BRME1: variants seen among roughly 807,000 people sequenced by gnomAD.
BRME1 encodes the protein break repair meiotic recombinase recruitment factor 1.
A neutral mutation model predicts 52.6 loss-of-function variants in BRME1; 31 were observed. The observed-to-expected ratio is 0.59, with a 90% CI of 0.44 to 0.80. The LOEUF is 0.80. Among genes scored for constraint, BRME1 ranks in the 30% least tolerant of loss-of-function variants. The pLI is 0.00. For missense variants in BRME1, 804 were observed against 860.3 expected (o/e 0.93, Z 0.82); for synonymous variants, 359 against 353.6 (o/e 1.02, Z -0.17).
Position 13,883,244 on chromosome 19 carries a change from G to C in BRME1, c.1856+64C>G. 1 of 1,405,526 alleles carries C rather than the reference G, an allele frequency of 7.1e-7. No individual in the cohort carries two copies. The highest frequency in any genetic ancestry group is 1.4e-5 in the African/African-American group (1 of 70,646). 87.1% of individuals were successfully genotyped at this position (1,405,526 alleles called of 1,614,324 possible). A position where few individuals can be genotyped will look rare whatever the true frequency, so the allele number is the denominator to read the frequency against. On this transcript the variant is annotated intron_variant, in intron 8 of 8. Coordinates refer to ENST00000586783, the MANE Select transcript of BRME1 (RefSeq NM_001345843.2). The surrounding 1 kb of genome is among the most constrained non-coding windows in gnomAD (Gnocchi z 4.2). ...GGGCTTCACACTTCAGTCCCTCCCT[G>C]CTCCTCTGAGTCCCCACTGGCCTCC... is the stretch of plus-strand genomic sequence containing the variant.
chr19:13,889,970 A>T lies in BRME1; in HGVS notation c.886T>A (p.Ser296Thr). Residue 296 changes from serine to threonine, a missense_variant, in exon 6 of 9, where the codon TCT (serine) becomes ACT (threonine). This residue lies in a region of BRME1 where 552 missense variants were observed against 561.1 expected (regional missense o/e 0.98). Transcript: ENST00000586783. Reference sequence around the variant, plus strand: ...ACAGACCCGGGTTCCAGGCACCAAGAGGCAGGGCCCAGTCCTGGAGCAGGG... The same window carrying T: ...ACAGACCCGGGTTCCAGGCACCAAGTGGCAGGGCCCAGTCCTGGAGCAGGG... ...SGPAPGLGPA[S>T]WCLEPGSVAQ... 1 of 1,612,674 alleles carries T rather than the reference A, an allele frequency of 6.2e-7. No individual in the cohort carries two copies.
In BRME1 at chr19:13,883,448, AC is replaced by A; in HGVS notation, c.1764-49del. Reference sequence around the variant, plus strand: ...GAGAGTGGCCCGACCTCACTGGACTACCAGAGCTCTCCAGTGGGAGGGGCTT... The same window carrying A: ...GAGAGTGGCCCGACCTCACTGGACTACAGAGCTCTCCAGTGGGAGGGGCTT... On this transcript the variant is annotated intron_variant, in intron 7 of 8. Coordinates refer to ENST00000586783, the MANE Select transcript of BRME1 (RefSeq NM_001345843.2). The surrounding 1 kb of genome is among the most constrained non-coding windows in gnomAD (Gnocchi z 4.2). The A allele has an allele frequency of 1.4e-6, 2 of 1,380,676 alleles. No individual in the cohort carries two copies. The highest frequency in any genetic ancestry group is 2.0e-6 in the Non-Finnish European group (2 of 1,007,160). The allele number at this position is 1,380,676 out of a possible 1,614,324, so 85.5% of individuals were successfully genotyped here. A position where few individuals can be genotyped will look rare whatever the true frequency, so the allele number is the denominator to read the frequency against.
Position 13,891,141 on chromosome 19 carries a change from A to T in BRME1, c.394-679T>A, listed in dbSNP as rs536512001. Among the ~76,000 whole-genome samples, 216 of 141,322 alleles carry T rather than the reference A, an allele frequency of 1.5e-3. 1 individual carries two copies. The East Asian group carries it at 0.026, about 17-fold the overall frequency. The allele number at this position is 141,322 out of a possible 152,430, so 92.7% of individuals were successfully genotyped here. A position where few individuals can be genotyped will look rare whatever the true frequency, so the allele number is the denominator to read the frequency against. ...CACCAATGTCAATTTCCTGTTTATT[A>T]TTATTATTATTATTATTATTATTAT... On this transcript the variant is annotated intron_variant, in intron 5 of 8. Transcript: ENST00000586783.
chr19:13,889,403 G>A lies in BRME1; in HGVS notation c.1453C>T (p.His485Tyr). The change falls in exon 6 of 9, where the codon CAC becomes TAC. Residue 485 changes from histidine to tyrosine, a missense_variant. His to Tyr is a moderately conservative substitution (Grantham distance 83). Coordinates refer to ENST00000586783, the MANE Select transcript of BRME1 (RefSeq NM_001345843.2). Reference protein sequence around the residue: ...VSPQASVVLEHREIADDPLQE... With the variant: ...VSPQASVVLEYREIADDPLQE... ...AGAGGGTCGTCTGCTATTTCTCTGT[G>A]TTCCAGCACAACAGAGGCTTGCGGG... The A allele has an allele frequency of 6.2e-7, 1 of 1,614,062 alleles. No homozygotes were observed. Among genetic ancestry groups the A allele is most frequent in the Non-Finnish European group, 8.5e-7 (1 of 1,180,010 alleles).
At chr19:13,887,993 T>C (rs546929893) in intron 6 of BRME1, among the ~76,000 whole-genome samples, 7 of 152,130 alleles carry the variant, frequency 4.6e-5, no homozygotes, top group African/African-American at 1.7e-4. Flanking sequence ...GGCGCGATCT[T>C]GGCTCACTGC....
Position 13,890,323 on chromosome 19 carries a change from C to T in BRME1, c.533G>A (p.Ser178Asn). The T allele has an allele frequency of 6.2e-7, 1 of 1,602,110 alleles. No individual in the cohort carries two copies. The highest frequency in any genetic ancestry group is 1.1e-5 in the South Asian group (1 of 89,152). Residue 178 changes from serine (S) to asparagine (N), a missense_variant, in exon 6 of 9, where the codon AGC (serine) becomes AAC (asparagine). By Grantham distance (46) the Ser-to-Asn change is conservative (BLOSUM62 1). This residue lies in a region of BRME1 where 234 missense variants were observed against 258.1 expected (regional missense o/e 0.91). Coordinates refer to ENST00000586783, the MANE Select transcript of BRME1 (RefSeq NM_001345843.2). ...ACTGCCGGGCACCGCCTGCACAGGG[C>T]TCTGGCTGCTCTGCTCAGGGCGGGC... ...DSARPEQSSQSPVQAVPGSGD... is the reference protein window; with the variant it reads ...DSARPEQSSQNPVQAVPGSGD...
intron 3 of BRME1, among the ~76,000 whole-genome samples, chr19:13,894,884 A>AC (rs1479429560): frequency 6.6e-6 from 1 of 151,808 alleles, no homozygotes; most frequent in Non-Finnish European, 1.5e-5. Flanking sequence ...CACAGTTAAA[A>AC]CTTTTTTTTC....
rs537230756 is a variant in BRME1, at chr19:13,888,073, C to T, written c.1668+1115G>A. Among the ~76,000 whole-genome samples the T allele has an allele frequency of 2.6e-5, 4 of 152,230 alleles. No individual in the cohort carries two copies. Among genetic ancestry groups the T allele is most frequent in the South Asian group, 2.1e-4 (1 of 4,826 alleles). ...CGGAGTAGCTGGGATTAGAGGCACA[C>T]GCCACCATGCCCAGCTAATTTTTGT... On this transcript the variant is annotated intron_variant, in intron 6 of 8. Transcript: ENST00000586783. The surrounding 1 kb of genome is among the most constrained non-coding windows in gnomAD (Gnocchi z 4.1).
intron 3 of BRME1, among the ~76,000 whole-genome samples, chr19:13,894,180 G>C (rs1004295581): frequency 5.3e-5 from 8 of 152,078 alleles, no homozygotes; most frequent in Non-Finnish European, 8.8e-5. Context: ...GGAAATTGTG[G>C]ATGCAAGAAA....
chr19:13,895,309 T>G, intron 3 of BRME1, 63 bp downstream of exon 3: 794 of 1,494,462 alleles, frequency 5.3e-4, no homozygotes, highest in Non-Finnish European at 6.6e-4. Flanking sequence ...TGCTGTCTGC[T>G]GAGCTGCTGT....
intron 5 of BRME1, among the ~76,000 whole-genome samples, chr19:13,891,135 T>TTTTTTTTTATTA (rs59151567): frequency 4.8e-5 from 7 of 146,634 alleles, no homozygotes; most frequent in African/African-American, 1.8e-4. Flanking sequence ...CAATTTCCTG[T>TTTTTTTTTATTA]TTATTATTAT....
intron 3 of BRME1, among the ~76,000 whole-genome samples, chr19:13,894,508 G>C (rs1969742465): frequency 6.7e-6 from 1 of 150,166 alleles, no homozygotes; most frequent in African/African-American, 2.5e-5. Flanking sequence ...CTGGGTGACA[G>C]AGAAAGACCC....
At position 13,886,023 on chromosome 19, in the gene BRME1, G is replaced by A; in HGVS notation, c.1701C>T (p.Cys567=). 6.2e-7 allele frequency: 1 copy of A among 1,614,028 alleles called. No homozygotes were observed. The highest frequency in any genetic ancestry group is 2.2e-5 in the East Asian group (1 of 44,884). Residue 567 remains cysteine, a synonymous_variant, in exon 7 of 9, where the codon TGC becomes TGT. Transcript: ENST00000586783. The stretch of plus-strand genomic sequence containing the variant: ...TGGCATGTGAGCTGGGGCCCGGCCA[G>A]CAAGGGCCCGGCTTGTTCCCCGAAG... ...LFPSGNKPGP[C]WPGPSSHANG...
In BRME1 at chr19:13,896,384, T is replaced by C. The variant is rs904116605; in HGVS notation, c.32-838A>G. 5.8e-4 allele frequency among the ~76,000 whole-genome samples: 85 copies of C among 147,444 alleles called. 1 individual carries two copies. The East Asian group carries it at 0.014, about 24-fold the overall frequency. ...AATGTATTTACATATTGCATATTTA[T>C]AATTATAAAATATATTATTTAAATT... is the stretch of plus-strand genomic sequence containing the variant. On this transcript the variant is annotated intron_variant, in intron 2 of 8. Coordinates refer to ENST00000586783, the MANE Select transcript of BRME1 (RefSeq NM_001345843.2).
intron 2 of BRME1, among the ~76,000 whole-genome samples, chr19:13,896,333 T>C (rs7246872): frequency 0.34 from 50,574 of 147,462 alleles, 11,736 homozygotes; most frequent in African/African-American, 0.66. Context: ...ATTTAATATA[T>C]ACATACATAT....
In BRME1 at chr19:13,890,465, G is replaced by C; in HGVS notation, c.394-3C>G. 1 of 1,485,998 alleles carries C rather than the reference G, an allele frequency of 6.7e-7. No homozygotes were observed. The highest frequency in any genetic ancestry group is 1.4e-5 in the South Asian group (1 of 70,986). 92.1% of individuals were successfully genotyped at this position (1,485,998 alleles called of 1,614,324 possible). A position where few individuals can be genotyped will look rare whatever the true frequency, so the allele number is the denominator to read the frequency against. The stretch of plus-strand genomic sequence containing the variant: ...GCGCTGGACTCTGCGATTGTTTCCT[G>C]TGGACAGAAAAAGACTCAGCCCCGG... On this transcript the variant is annotated splice_polypyrimidine_tract_variant and splice_region_variant and intron_variant, in intron 5 of 8. Transcript: ENST00000586783.
In BRME1 at chr19:13,896,632, ATATGTATTTATACATACG is replaced by A. The variant is rs760965809; in HGVS notation, c.32-1104_32-1087del. On this transcript the variant is annotated intron_variant, in intron 2 of 8. Coordinates refer to ENST00000586783, the MANE Select transcript of BRME1 (RefSeq NM_001345843.2). ...TTTATACATATGTATTTATACATAC[ATATGTATTTATACATACG>A]TATTTACATATATGTATTTATGTAT... Among the ~76,000 whole-genome samples, 511 of 146,868 alleles carry A rather than the reference ATATGTATTTATACATACG, an allele frequency of 3.5e-3. 2 individuals carry two copies. Among genetic ancestry groups the A allele is most frequent in the Non-Finnish European group, 5.5e-3 (366 of 66,328 alleles).
intron 6 of BRME1, among the ~76,000 whole-genome samples, chr19:13,887,354 C>T (rs61228126): frequency 0.34 from 51,904 of 152,110 alleles, 12,006 homozygotes; most frequent in African/African-American, 0.66. Context: ...ACGCCCAGGC[C>T]CTGGCAGTGC....
Position 13,889,350 on chromosome 19 carries a change from A to G in BRME1, c.1506T>C (p.Ile502=), listed in dbSNP as rs773018050. The change falls in exon 6 of 9, where the codon ATT becomes ATC. Residue 502 remains isoleucine, a synonymous_variant. Coordinates refer to ENST00000586783, the MANE Select transcript of BRME1 (RefSeq NM_001345843.2). ...CTGCCAGCTCTGAGGTGGTGTCTGG[A>G]ATGCCCTGCTGAGCCCCGGGCTCCT... is the stretch of plus-strand genomic sequence containing the variant. The part of the protein sequence containing the change: ...PLQEPGAQQG[I]PDTTSELAGQ... The G allele has an allele frequency of 1.9e-6, 3 of 1,614,036 alleles. No homozygotes were observed. The highest frequency in any genetic ancestry group is 2.5e-6 in the Non-Finnish European group (3 of 1,179,996).
Sources: allele counts gnomAD v4.1 joint callset (sites outside exome capture counted in the v4.1 genomes callset), GRCh38; gene constraint gnomAD v4.1.1; regional missense constraint gnomAD v4.1.1; non-coding constraint Gnocchi (gnomAD v3.1); transcripts MANE v1.5; gene names NCBI Gene and HGNC (gene_info 2026-07-23, HGNC 2026-07-21).